SLC2A13: variants seen among roughly 807,000 people sequenced by gnomAD.
SLC2A13 encodes the protein solute carrier family 2 member 13, also known as proton myo-inositol cotransporter.
In SLC2A13, 32 loss-of-function variants were observed where a neutral mutation model predicts 64.4. That is an observed-to-expected ratio of 0.50 (90% CI 0.37 to 0.67). SLC2A13 has a LOEUF of 0.67. Ranked by LOEUF, SLC2A13 falls within the 30% of genes least tolerant of loss-of-function variation. SLC2A13 has a pLI of 0.00. For synonymous variants in SLC2A13, 338 were observed against 327.1 expected (o/e 1.03, Z -0.36); for missense variants, 743 against 829.2 (o/e 0.90, Z 1.28).
chr12:40,086,304 C>G (rs1467202901), intron 1 of SLC2A13, among the ~76,000 whole-genome samples: 1 of 152,016 alleles, frequency 6.6e-6, no homozygotes. Flanking sequence ...GATATCACCT[C>G]TCTGAATAAC....
intron 3 of SLC2A13, among the ~76,000 whole-genome samples, chr12:40,003,245 C>T (rs1325185421): frequency 6.6e-6 from 1 of 152,180 alleles, no homozygotes; most frequent in Non-Finnish European, 1.5e-5. Context: ...ATGAATTATG[C>T]TAGCCTCAAC....
chr12:40,026,818 G>T (rs558869781), intron 3 of SLC2A13, among the ~76,000 whole-genome samples: 1 of 152,088 alleles, frequency 6.6e-6, no homozygotes, highest in Admixed American at 6.5e-5. Context: ...GGTGGCTCAC[G>T]CCTGTAATCC....
chr12:39,840,633 C>G (rs1385177759), intron 6 of SLC2A13, among the ~76,000 whole-genome samples: 1 of 151,956 alleles, frequency 6.6e-6, no homozygotes, highest in Non-Finnish European at 1.5e-5. Context: ...TCCTTTGCTT[C>G]AAGACTCATG....
chr12:39,896,242 A>G (rs1236557963), intron 4 of SLC2A13, among the ~76,000 whole-genome samples: 4 of 100,142 alleles, frequency 4.0e-5, no homozygotes, highest in Admixed American at 1.0e-4. Context: ...ATGTGTATAT[A>G]TGTATACATG....
intron 4 of SLC2A13, among the ~76,000 whole-genome samples, chr12:39,894,453 A>G (rs1427515744): frequency 6.6e-6 from 1 of 152,208 alleles, no homozygotes; most frequent in Non-Finnish European, 1.5e-5. Flanking sequence ...TAATAAAAGG[A>G]CTTACTCAAT....
intron 7 of SLC2A13, among the ~76,000 whole-genome samples, chr12:39,770,693 T>A (rs1940533088): frequency 6.6e-6 from 1 of 152,218 alleles, no homozygotes; most frequent in African/African-American, 2.4e-5. Flanking sequence ...ATGCATAGCA[T>A]AAGTATTACT....
intron 7 of SLC2A13, among the ~76,000 whole-genome samples, chr12:39,787,327 A>G (rs1941227755): frequency 6.6e-6 from 1 of 152,178 alleles, no homozygotes; most frequent in Admixed American, 6.6e-5. Context: ...AAATAACAGT[A>G]ATTACTGTTG....
chr12:39,971,354 G>A (rs1029110081), intron 3 of SLC2A13, among the ~76,000 whole-genome samples: 1 of 152,080 alleles, frequency 6.6e-6, no homozygotes, highest in African/African-American at 2.4e-5. Context: ...ATATAATTTG[G>A]TTTTTAAAAA....
At chr12:39,958,114 G>A (rs188211714) in intron 3 of SLC2A13, among the ~76,000 whole-genome samples, 39 of 152,244 alleles carry the variant, frequency 2.6e-4, no homozygotes, top group Admixed American at 2.3e-3. Context: ...AAGATTCATG[G>A]CTTTTGAGTG....
chr12:39,898,098 T>C (rs777466488), intron 4 of SLC2A13, among the ~76,000 whole-genome samples: 1 of 152,160 alleles, frequency 6.6e-6, no homozygotes, highest in Non-Finnish European at 1.5e-5. Context: ...GGGAATATAA[T>C]TTTTGTTCTT....
intron 1 of SLC2A13, among the ~76,000 whole-genome samples, chr12:40,072,717 A>T (rs1370065969): frequency 6.6e-6 from 1 of 152,100 alleles, no homozygotes; most frequent in Non-Finnish European, 1.5e-5. Flanking sequence ...TAATGTTAGC[A>T]TGGCATATCT....
intron 4 of SLC2A13, among the ~76,000 whole-genome samples, chr12:39,883,172 G>A (rs1001028960): frequency 2.0e-5 from 3 of 151,808 alleles, no homozygotes; most frequent in Non-Finnish European, 2.9e-5. Context: ...AATAAGTAAC[G>A]CTCATAAGAA....
intron 2 of SLC2A13, among the ~76,000 whole-genome samples, chr12:40,031,763 T>C (rs769654221): frequency 3.3e-5 from 5 of 152,202 alleles, no homozygotes; most frequent in African/African-American, 4.8e-5. Flanking sequence ...TCTAACGATG[T>C]GCAGACTGGA....
intron 3 of SLC2A13, among the ~76,000 whole-genome samples, chr12:40,011,125 C>G (rs540284799): frequency 6.6e-6 from 1 of 152,152 alleles, no homozygotes; most frequent in South Asian, 2.1e-4. Flanking sequence ...CTCCCACGCC[C>G]GGTACCAAGA....
intron 7 of SLC2A13, among the ~76,000 whole-genome samples, chr12:39,806,315 A>G (rs1476770851): frequency 2.0e-5 from 3 of 152,326 alleles, no homozygotes; most frequent in East Asian, 3.9e-4. Flanking sequence ...TTGCCCAACA[A>G]ATTGTAAGAT....
chr12:40,064,010 A>G (rs1207164052), intron 1 of SLC2A13, among the ~76,000 whole-genome samples: 1 of 152,108 alleles, frequency 6.6e-6, no homozygotes, highest in Non-Finnish European at 1.5e-5. Flanking sequence ...TCAGAGGCCA[A>G]GATGAGAGGA....
chr12:39,934,106 T>C (rs1458637765), intron 4 of SLC2A13, among the ~76,000 whole-genome samples: 6 of 152,166 alleles, frequency 3.9e-5, no homozygotes, highest in African/African-American at 1.4e-4. Context: ...TCCCTGTTAG[T>C]TGATAAAAAG....
intron 1 of SLC2A13, among the ~76,000 whole-genome samples, chr12:40,060,256 T>G (rs1948398225): frequency 6.6e-6 from 1 of 152,166 alleles, no homozygotes; most frequent in Admixed American, 6.6e-5. Flanking sequence ...TAATTTACAT[T>G]CATTTTCAAA....
At chr12:40,001,012 A>G (rs1947314015) in intron 3 of SLC2A13, among the ~76,000 whole-genome samples, 1 of 152,248 alleles carries the variant, frequency 6.6e-6, no homozygotes, top group South Asian at 2.1e-4. Context: ...CACCAAGAGG[A>G]GAAATGATAA....
Sources: allele counts gnomAD v4.1 joint callset (sites outside exome capture counted in the v4.1 genomes callset), GRCh38; gene constraint gnomAD v4.1.1; transcripts MANE v1.5; gene names NCBI Gene and HGNC (gene_info 2026-07-23, HGNC 2026-07-21).